The following TRIM22 variants were observed in gnomAD, a reference collection of about 807,000 sequenced individuals.
TRIM22 encodes tripartite motif containing 22, also known as E3 ubiquitin-protein ligase TRIM22.
A neutral mutation model predicts 53.6 loss-of-function variants in TRIM22; 45 were observed. The observed-to-expected ratio is 0.84, with a 90% CI of 0.66 to 1.08. The LOEUF (loss-of-function observed/expected upper bound fraction) is 1.08. Ranked by LOEUF, TRIM22 falls within the 50% of genes least tolerant of loss-of-function variation. The pLI, the probability that TRIM22 is intolerant of heterozygous loss-of-function variation, is 0.00. For missense variants in TRIM22, 616 were observed against 590.9 expected, an observed-to-expected ratio of 1.04 and a Z score of -0.44; for synonymous variants, 225 against 216.6, an observed-to-expected ratio of 1.04 and a Z score of -0.34.
intron 4 of TRIM22, among the ~76,000 whole-genome samples, chr11:5,699,090 A>G (rs1010521469): frequency 1.3e-5 from 2 of 152,220 alleles, no homozygotes; most frequent in Non-Finnish European, 2.9e-5. Flanking sequence ...AATATATCAT[A>G]TTATGTTTAT....
Position 5,708,699 on chromosome 11 carries a change from G to T in TRIM22, c.901+96G>T. 5.5e-6 allele frequency: 6 copies of T among 1,091,258 alleles called. No homozygotes were observed. The Admixed American group carries it at 1.1e-4, about 19-fold the overall frequency. The allele number at this position is 1,091,258 out of a possible 1,614,324, so 67.6% of individuals were successfully genotyped here. A position where few individuals can be genotyped will look rare whatever the true frequency, so the allele number is the denominator to read the frequency against. On this transcript the variant is annotated intron_variant, in intron 7 of 7. Coordinates refer to ENST00000379965, the MANE Select transcript of TRIM22 (RefSeq NM_006074.5). ...GTCTCATGTGTTCCTCCCCAAACAT[G>T]CTTAAACCATGTAGTTCTTTTTTTT...
chr11:5,698,793 T>G (rs1853316103), intron 4 of TRIM22, among the ~76,000 whole-genome samples: 1 of 152,198 alleles, frequency 6.6e-6, no homozygotes, highest in Non-Finnish European at 1.5e-5. Context: ...TTGGAGAGGA[T>G]TCTTTGTACC....
chr11:5,690,431 G>C (rs960928511), intron 1 of TRIM22, among the ~76,000 whole-genome samples: 2 of 152,052 alleles, frequency 1.3e-5, no homozygotes, highest in African/African-American at 4.8e-5. Context: ...CTTTAGATAA[G>C]GTGGGCACGT....
chr11:5,704,014 G>C (rs1421218582), intron 4 of TRIM22, among the ~76,000 whole-genome samples: 1 of 152,174 alleles, frequency 6.6e-6, no homozygotes, highest in Non-Finnish European at 1.5e-5. Context: ...TGAGGCTACA[G>C]AGTAATGGGA....
At chr11:5,693,139 G>A (rs1233809861) in intron 1 of TRIM22, among the ~76,000 whole-genome samples, 1 of 149,572 alleles carries the variant, frequency 6.7e-6, no homozygotes, top group Admixed American at 6.7e-5. Context: ...TGCCCGCCTC[G>A]GCCCCCCAAA....
At chr11:5,692,233 A>G (rs187535593) in intron 1 of TRIM22, among the ~76,000 whole-genome samples, 1 of 152,342 alleles carries the variant, frequency 6.6e-6, no homozygotes, top group African/African-American at 2.4e-5. Context: ...CTGCAATAGG[A>G]TGTGGTATCT....
At chr11:5,699,532 A>C (rs1853331098) in intron 4 of TRIM22, among the ~76,000 whole-genome samples, 1 of 14,698 alleles carries the variant, frequency 6.8e-5, no homozygotes, top group Admixed American at 8.5e-4. Context: ...CTCCGTCTCA[A>C]AAAAAAAAAA....
intron 1 of TRIM22, 37 bp from the exon 2 acceptor site, chr11:5,696,129 TC>T: frequency 9.8e-7 from 1 of 1,021,642 alleles, no homozygotes; most frequent in South Asian, 1.7e-5. Flanking sequence ...TTCTTTCTAT[TC>T]CTTCTTTTCT....
chr11:5,700,378 G>C (rs1185062260), intron 4 of TRIM22, among the ~76,000 whole-genome samples: 2 of 152,036 alleles, frequency 1.3e-5, no homozygotes, highest in African/African-American at 4.8e-5. Flanking sequence ...GCCTCCCAAA[G>C]TGCTAGGATT....
intron 6 of TRIM22, 136 bp downstream of exon 6, chr11:5,708,409 T>A: frequency 1.0e-6 from 1 of 990,308 alleles, no homozygotes; most frequent in Non-Finnish European, 1.5e-6. Flanking sequence ...GTGCTGTAGA[T>A]GTGGTCCTGT....
At chr11:5,700,279 A>T (rs912206613) in intron 4 of TRIM22, among the ~76,000 whole-genome samples, 9 of 151,394 alleles carry the variant, frequency 5.9e-5, no homozygotes, top group African/African-American at 2.2e-4. Context: ...ACCTGGCTAC[A>T]TTTTTTTTGT....
chr11:5,693,627 C>T (rs918446816), intron 1 of TRIM22, among the ~76,000 whole-genome samples: 3 of 143,002 alleles, frequency 2.1e-5, no homozygotes, highest in African/African-American at 5.2e-5. Flanking sequence ...GAGGCTGAGG[C>T]AGGAGAATGG....
chr11:5,706,712 A>C lies in TRIM22; in HGVS notation c.773+96A>C, dbSNP rs765616404. The C allele has an allele frequency of 3.6e-4, 452 of 1,248,892 alleles. 1 individual carries two copies. Among genetic ancestry groups the C allele is most frequent in the Non-Finnish European group, 4.8e-4 (429 of 902,082 alleles). 77.4% of individuals were successfully genotyped at this position (1,248,892 alleles called of 1,614,324 possible). A position where few individuals can be genotyped will look rare whatever the true frequency, so the allele number is the denominator to read the frequency against. Reference sequence around the variant, plus strand: ...TCAATCAGAACAACTTAAAAAATCAAAAGGCTGGGAAATTTGTGTATTAAA... The same window carrying C: ...TCAATCAGAACAACTTAAAAAATCACAAGGCTGGGAAATTTGTGTATTAAA... On this transcript the variant is annotated intron_variant, in intron 5 of 7. Transcript: ENST00000379965.
intron 2 of TRIM22, chr11:5,696,998 C>T: frequency 2.0e-6 from 1 of 509,598 alleles, no homozygotes; most frequent in East Asian, 3.1e-5. Flanking sequence ...TTCCTTACTG[C>T]AGGGTCTGCT....
At chr11:5,708,149 G>T (rs575236386) in intron 5 of TRIM22, 24 bp from the exon 6 acceptor site, 3 of 1,567,908 alleles carry the variant, frequency 1.9e-6, no homozygotes, top group Non-Finnish European at 2.6e-6. Context: ...AGGTGTAAAG[G>T]TTATCAATTT....
chr11:5,709,427 T>C lies in TRIM22; in HGVS notation c.1276T>C (p.Ser426Pro), dbSNP rs1427828594. Residue 426 changes from serine (S) to proline (P), a missense_variant, in exon 8 of 8, where the codon TCT becomes CCT. Ser to Pro is a moderately conservative substitution (Grantham distance 74). Coordinates refer to ENST00000379965, the MANE Select transcript of TRIM22 (RefSeq NM_006074.5). ...ATATAATGCTTTTGAGGACTCCTCC[T>C]CTTCTGATCCCAAGGTTTTGACTCT... ...CEYNAFEDSSSSDPKVLTLFM... is the reference protein window; with the variant it reads ...CEYNAFEDSSPSDPKVLTLFM... 1.2e-6 allele frequency: 2 copies of C among 1,614,228 alleles called. No individual in the cohort carries two copies. Among genetic ancestry groups the C allele is most frequent in the East Asian group, 2.2e-5 (1 of 44,890 alleles).
At chr11:5,701,147 A>G (rs1564941897) in intron 4 of TRIM22, among the ~76,000 whole-genome samples, 1 of 152,128 alleles carries the variant, frequency 6.6e-6, no homozygotes. Flanking sequence ...CATGAGAGAT[A>G]CTGGTTTCTG....
At chr11:5,704,897 G>C (rs955471444) in intron 4 of TRIM22, among the ~76,000 whole-genome samples, 2 of 152,178 alleles carry the variant, frequency 1.3e-5, no homozygotes, top group African/African-American at 4.8e-5. Context: ...AGGTGGCAGA[G>C]AGCTGAGGAA....
At position 5,708,622 on chromosome 11, in the gene TRIM22, T is replaced by C. The variant is rs1485761289; in HGVS notation, c.901+19T>C. The C allele has an allele frequency of 6.2e-7, 1 of 1,602,052 alleles. No individual in the cohort carries two copies. Among genetic ancestry groups the C allele is most frequent in the Admixed American group, 1.7e-5 (1 of 57,200 alleles). On this transcript the variant is annotated intron_variant, in intron 7 of 7. Coordinates refer to ENST00000379965, the MANE Select transcript of TRIM22 (RefSeq NM_006074.5). ...TACTGGGGTAAGATGATATGGGGTT[T>C]TCAAATCACTTCCTTTCAGAATTGT... is the stretch of plus-strand genomic sequence containing the variant.
Sources: gnomAD v4.1 joint callset for allele counts (sites outside exome capture counted in the v4.1 genomes callset) on GRCh38, gnomAD v4.1.1 for gene constraint, MANE v1.5 for transcripts, NCBI Gene and HGNC (gene_info 2026-07-23, HGNC 2026-07-21) for gene names.